Variants in ROBO2 observed in about 807,000 individuals in gnomAD.
ROBO2 encodes the protein roundabout guidance receptor 2.
ROBO2 carries 53 observed loss-of-function variants against 160.8 expected under a neutral mutation model. The ratio of observed to expected loss-of-function variants is 0.33; its 90% CI spans 0.26 to 0.41. The LOEUF is 0.41. ROBO2 is among the 10% of genes least tolerant of loss of function. ROBO2 has a pLI of 1.00. For synonymous variants in ROBO2, 664 were observed against 611.7 expected (o/e 1.09, Z -1.26); for missense variants, 1,577 against 1,722.4 (o/e 0.92, Z 1.49).
chr3:76,607,044 T>C (rs961501202), intron 2 of ROBO2, among the ~76,000 whole-genome samples: 3 of 152,316 alleles, frequency 2.0e-5, no homozygotes, highest in African/African-American at 4.8e-5. Flanking sequence ...CTCCATTTTA[T>C]TTTTAAAAAT....
At chr3:76,265,852 A>G (rs1053354839) in intron 2 of ROBO2, among the ~76,000 whole-genome samples, 1 of 152,172 alleles carries the variant, frequency 6.6e-6, no homozygotes, top group African/African-American at 2.4e-5. Flanking sequence ...TCTTTAACTT[A>G]TATGATTTTC....
At chr3:76,493,365 A>ATATATATATATATATATATATAT (rs61651925) in intron 2 of ROBO2, among the ~76,000 whole-genome samples, 2 of 131,986 alleles carry the variant, frequency 1.5e-5, no homozygotes, top group Non-Finnish European at 3.2e-5. Flanking sequence ...ATATATATAT[A>ATATATATATATATATATATATAT]ATTGTATATA....
At chr3:77,023,153 C>T (rs1457540654) in intron 2 of ROBO2, among the ~76,000 whole-genome samples, 2 of 152,136 alleles carry the variant, frequency 1.3e-5, no homozygotes, top group African/African-American at 4.8e-5. Flanking sequence ...GCCAGTCTTT[C>T]CCTCGCTATT....
intron 2 of ROBO2, among the ~76,000 whole-genome samples, chr3:76,580,289 C>T (rs2085576933): frequency 8.7e-6 from 1 of 114,696 alleles, no homozygotes; most frequent in Non-Finnish European, 1.9e-5. Context: ...TTCTTAGCTT[C>T]TCTCCCCCAA....
chr3:77,211,555 C>T (rs1392361335), intron 2 of ROBO2, among the ~76,000 whole-genome samples: 7 of 152,156 alleles, frequency 4.6e-5, no homozygotes, highest in Non-Finnish European at 1.0e-4. Flanking sequence ...GTTCCTTTTG[C>T]TGTGCAGAAG....
intron 2 of ROBO2, among the ~76,000 whole-genome samples, chr3:77,356,594 T>C (rs2069166031): frequency 1.3e-5 from 2 of 152,124 alleles, no homozygotes. Flanking sequence ...AACTTGCAAA[T>C]TGATTTAGCA....
intron 2 of ROBO2, among the ~76,000 whole-genome samples, chr3:76,297,794 G>A (rs1174765839): frequency 1.4e-5 from 2 of 145,582 alleles, no homozygotes; most frequent in South Asian, 2.2e-4. Context: ...AAAAACATAA[G>A]CAAATGAAGA....
chr3:76,322,778 T>C (rs1187451746), intron 2 of ROBO2, among the ~76,000 whole-genome samples: 1 of 152,178 alleles, frequency 6.6e-6, no homozygotes, highest in Non-Finnish European at 1.5e-5. Context: ...ATATATCCTA[T>C]TTATAGTTTA....
intron 2 of ROBO2, among the ~76,000 whole-genome samples, chr3:76,845,780 T>C (rs1236135460): frequency 6.6e-6 from 1 of 152,078 alleles, no homozygotes; most frequent in Admixed American, 6.6e-5. Flanking sequence ...TTTATCCCTC[T>C]TGAATTTCAT....
chr3:76,506,059 C>T (rs957248091), intron 2 of ROBO2, among the ~76,000 whole-genome samples: 16 of 152,300 alleles, frequency 1.1e-4, no homozygotes, highest in Non-Finnish European at 2.1e-4. Context: ...CACCTGCATT[C>T]TTCACTGACA....
intron 9 of ROBO2, among the ~76,000 whole-genome samples, chr3:77,560,619 A>C (rs1582949135): frequency 6.6e-6 from 1 of 152,064 alleles, no homozygotes; most frequent in South Asian, 2.1e-4. Flanking sequence ...CAAGGGAAAA[A>C]AATAATGTGA....
intron 2 of ROBO2, among the ~76,000 whole-genome samples, chr3:77,127,811 C>T (rs531983399): frequency 6.6e-6 from 1 of 152,210 alleles, no homozygotes; most frequent in African/African-American, 2.4e-5. Flanking sequence ...AGAGTCTTAA[C>T]CAACAGAACA....
intron 2 of ROBO2, among the ~76,000 whole-genome samples, chr3:76,525,054 G>A (rs1458250213): frequency 5.3e-5 from 8 of 151,356 alleles, no homozygotes; most frequent in Admixed American, 4.0e-4. Context: ...AAACAAAACC[G>A]TTGTTTTGCT....
At chr3:77,645,003 T>C (rs1370736076) in intron 25 of ROBO2, 99 bp downstream of exon 27, 16 of 1,255,952 alleles carry the variant, frequency 1.3e-5, no homozygotes, top group Admixed American at 7.5e-5. Context: ...ATAGAAAACT[T>C]GCTCTGTTAC....
chr3:76,818,702 G>C (rs560949744), intron 2 of ROBO2, among the ~76,000 whole-genome samples: 1 of 151,974 alleles, frequency 6.6e-6, no homozygotes, highest in African/African-American at 2.4e-5. Flanking sequence ...GGCACCATTT[G>C]TTGAATAGGG....
At chr3:76,331,706 C>T (rs6789770) in intron 2 of ROBO2, among the ~76,000 whole-genome samples, 52 of 142,572 alleles carry the variant, frequency 3.6e-4, no homozygotes, top group South Asian at 1.1e-3. Flanking sequence ...TTTTTTTTTT[C>T]GAGACGTAAT....
intron 2 of ROBO2, among the ~76,000 whole-genome samples, chr3:76,700,160 T>C (rs1165223391): frequency 6.6e-6 from 1 of 152,076 alleles, no homozygotes; most frequent in Non-Finnish European, 1.5e-5. Flanking sequence ...TCCCCAAGTT[T>C]TTCCTCCCTT....
intron 2 of ROBO2, among the ~76,000 whole-genome samples, chr3:76,515,013 C>T (rs994272832): frequency 6.6e-6 from 1 of 152,182 alleles, no homozygotes; most frequent in African/African-American, 2.4e-5. Context: ...ATCCTTTTCT[C>T]TCACTTCCCA....
chr3:76,537,343 C>T (rs1370825167), intron 2 of ROBO2, among the ~76,000 whole-genome samples: 1 of 152,000 alleles, frequency 6.6e-6, no homozygotes, highest in African/African-American at 2.4e-5. Context: ...CGTTTTCTGG[C>T]CATTTGCAAC....
Sources: gnomAD v4.1 joint callset for allele counts (sites outside exome capture counted in the v4.1 genomes callset) on GRCh38, gnomAD v4.1.1 for gene constraint, MANE v1.5 for transcripts, NCBI Gene and HGNC (gene_info 2026-07-23, HGNC 2026-07-21) for gene names.